The following CTSH variants were observed in gnomAD, a reference collection of about 807,000 sequenced individuals.
CTSH encodes pro-cathepsin H.
In CTSH, 52 loss-of-function variants were observed where a neutral mutation model predicts 56.3. That is an observed-to-expected ratio of 0.92 (90% CI 0.74 to 1.16). CTSH has a LOEUF of 1.16. Among genes scored for constraint, CTSH ranks in the 50% most tolerant of loss-of-function variants. The pLI is 0.00. For synonymous variants in CTSH, 174 were observed against 155.7 expected (o/e 1.12, Z -0.88); for missense variants, 406 against 424.5 (o/e 0.96, Z 0.38).
At chr15:78,922,517 C>T (rs1262603305) in intron 11 of CTSH, among the ~76,000 whole-genome samples, 1 of 152,158 alleles carries the variant, frequency 6.6e-6, no homozygotes, top group Non-Finnish European at 1.5e-5. Flanking sequence ...CCCGAGGGAA[C>T]AGGAAAGCTC....
rs369503995 is a variant in CTSH at position 78,925,480 on chromosome 15, A to T, written c.700-40T>A. 6.1e-5 allele frequency: 82 copies of T among 1,334,480 alleles called. No individual in the cohort carries two copies. The African/African-American group carries it at 1.0e-3, about 17-fold the overall frequency. 82.7% of individuals were successfully genotyped at this position (1,334,480 alleles called of 1,614,324 possible). ...CCGAGACAGAAACACATGGCCTGTC[A>T]CCTCCCCACTCCTTTCACAGTACAG... On this transcript the variant is annotated intron_variant, in intron 9 of 11. Transcript: ENST00000220166.
Position 78,922,095 on chromosome 15 carries a change from CCTT to C in CTSH, c.*32_*34del, listed in dbSNP as rs1036937737. The C allele has an allele frequency of 6.5e-6, 10 of 1,546,276 alleles. No individual in the cohort carries two copies. In the Admixed American group the frequency reaches 7.8e-5, roughly 12 times the overall value. The stretch of plus-strand genomic sequence containing the variant: ...CCAGGCCCAGGCTGCCCGTTCCTCT[CCTT>C]CTCCGCCAGTCTGCGCTGCGGCTGC... On this transcript the variant is annotated 3_prime_UTR_variant, in exon 12 of 12. Coordinates refer to ENST00000220166, the MANE Select transcript of CTSH (RefSeq NM_004390.5).
In CTSH at chr15:78,933,683, G is replaced by A. The variant is rs138325041; in HGVS notation, c.406-1225C>T. The A allele has an allele frequency of 2.9e-3, 876 of 301,476 alleles. 3 individuals are homozygous for A. Among genetic ancestry groups the A allele is most frequent in the Middle Eastern group, 9.3e-3 (10 of 1,078 alleles). The allele number at this position is 301,476 out of a possible 1,614,324, so 18.7% of individuals were successfully genotyped here. A position where few individuals can be genotyped will look rare whatever the true frequency, so the allele number is the denominator to read the frequency against. ...GAGCTCGGCTGACCCTTGGGTGCTC[G>A]ACTTGGGGCAGGGGCCTGGTTTTGA... On this transcript the variant is annotated intron_variant, in intron 5 of 11. Coordinates refer to ENST00000220166, the MANE Select transcript of CTSH (RefSeq NM_004390.5).
chr15:78,931,323 A>C, intron 7 of CTSH, 128 bp downstream of exon 7: 1 of 1,191,160 alleles, frequency 8.4e-7, no homozygotes, highest in Non-Finnish European at 1.2e-6. Flanking sequence ...TGTACAACAG[A>C]GACCATTTTG....
chr15:78,927,771 C>G lies in CTSH; in HGVS notation c.641G>C (p.Cys214Ser), dbSNP rs375601338. ...GATGGCCTTTCCAGGTTGGAACTTG[C>G]AATAACCATCCTGTTGAGGATGCAA... ...TYPYQGKDGY[C>S]KFQPGKAIGF... Residue 214 changes from cysteine to serine, a missense_variant, in exon 9 of 12, where the codon TGC becomes TCC. Transcript: ENST00000220166. 5 of 1,614,118 alleles carry G rather than the reference C, an allele frequency of 3.1e-6. No individual in the cohort carries two copies. Among genetic ancestry groups the G allele is most frequent in the East Asian group, 2.2e-5 (1 of 44,886 alleles).
chr15:78,934,865 G>T, intron 5 of CTSH, 113 bp downstream of exon 5: 2 of 761,200 alleles, frequency 2.6e-6, no homozygotes, highest in Non-Finnish European at 4.8e-6. Context: ...AGAGGAAACA[G>T]AGGCAGGGAT....
At position 78,925,337 on chromosome 15, in the gene CTSH, G is replaced by A. The variant is rs2054879825; in HGVS notation, c.803C>T (p.Ser268Phe). The change falls in exon 10 of 12, where the codon TCC (serine) becomes TTC (phenylalanine). Residue 268 changes from serine (S) to phenylalanine (F), a missense_variant. Transcript: ENST00000220166. Reference protein sequence around the residue: ...DFMMYRTGIYSSTSCHKTPDK... With the variant: ...DFMMYRTGIYFSTSCHKTPDK... ...GGCTCCTGGGACCCTGACTCACCTG[G>A]AGTAGATGCCGGTTCTATACATCAT... is the stretch of plus-strand genomic sequence containing the variant. 1 of 1,604,272 alleles carries A rather than the reference G, an allele frequency of 6.2e-7. No homozygotes were observed. The highest frequency in any genetic ancestry group is 8.5e-7 in the Non-Finnish European group (1 of 1,171,248).
chr15:78,939,815 G>A (rs933411961), intron 1 of CTSH, among the ~76,000 whole-genome samples: 3 of 152,270 alleles, frequency 2.0e-5, no homozygotes, highest in Non-Finnish European at 2.9e-5. Flanking sequence ...CCCGGGAGGC[G>A]GAGGTTGCAG....
At chr15:78,931,118 G>A (rs1211305401) in intron 7 of CTSH, among the ~76,000 whole-genome samples, 2 of 103,558 alleles carry the variant, frequency 1.9e-5, no homozygotes, top group East Asian at 2.5e-4. Context: ...CGGGTTTGGA[G>A]GATGATGTGT....
intron 9 of CTSH, chr15:78,926,486 G>A (rs76893083): frequency 0.015 from 2,285 of 152,388 alleles, 97 homozygotes; most frequent in East Asian, 0.15. Context: ...TGGCCTGGTC[G>A]TCAGGGCCCT....
chr15:78,944,887 G>A lies in CTSH; in HGVS notation c.91+4C>T, dbSNP rs1170228673. ...CCCTCTCGGGCGGCGCGCCCTCTGC[G>A]TACCTAAGGAGTTCACGCACAGTTC... is the stretch of plus-strand genomic sequence containing the variant. On this transcript the variant is annotated splice_donor_region_variant and intron_variant, in intron 1 of 11. Transcript: ENST00000220166. The A allele has an allele frequency of 6.5e-6, 10 of 1,546,510 alleles. No individual in the cohort carries two copies. Among genetic ancestry groups the A allele is most frequent in the Admixed American group, 2.0e-5 (1 of 50,698 alleles).
intron 7 of CTSH, among the ~76,000 whole-genome samples, chr15:78,930,557 T>A (rs1019281268): frequency 2.0e-5 from 3 of 151,270 alleles, no homozygotes; most frequent in African/African-American, 7.3e-5. Context: ...AATAAATAAA[T>A]AAATAAATAA....
In CTSH at chr15:78,922,895, C is replaced by CCG. The variant is rs1309079770; in HGVS notation, c.932+97_932+98insCG. On this transcript the variant is annotated intron_variant, in intron 11 of 11. Transcript: ENST00000220166. ...CCTAGGGCTTGGCTGACCAGCTCGT[C>CCG]TGTGGAAGCCGTAACTCTGAGGTGG... 1.7e-4 allele frequency: 249 copies of CCG among 1,443,070 alleles called. 1 individual carries two copies. Among genetic ancestry groups the CCG allele is most frequent in the Non-Finnish European group, 7.9e-5 (85 of 1,075,942 alleles). The allele number at this position is 1,443,070 out of a possible 1,614,324, so 89.4% of individuals were successfully genotyped here.
intron 9 of CTSH, chr15:78,926,721 A>G (rs1293443665): frequency 1.3e-5 from 2 of 152,090 alleles, no homozygotes; most frequent in Admixed American, 6.5e-5. Flanking sequence ...TCCAGCATCT[A>G]TTTCCTAGCT....
Position 78,929,508 on chromosome 15 carries a change from C to G in CTSH, c.549-15G>C. On this transcript the variant is annotated splice_polypyrimidine_tract_variant and intron_variant, in intron 7 of 11. Coordinates refer to ENST00000220166, the MANE Select transcript of CTSH (RefSeq NM_004390.5). Reference sequence around the variant, plus strand: ...TGGGGAGACCCCTGCAAGAAGTACACACAGGTGAGCCCACCTGGGGCTGTC... The same window carrying G: ...TGGGGAGACCCCTGCAAGAAGTACAGACAGGTGAGCCCACCTGGGGCTGTC... 6.3e-7 allele frequency: 1 copy of G among 1,598,026 alleles called. No individual in the cohort carries two copies. Among genetic ancestry groups the G allele is most frequent in the Middle Eastern group, 1.7e-4 (1 of 6,022 alleles).
At chr15:78,938,887 G>A (rs575726719) in intron 2 of CTSH, among the ~76,000 whole-genome samples, 1 of 152,170 alleles carries the variant, frequency 6.6e-6, no homozygotes, top group Non-Finnish European at 1.5e-5. Flanking sequence ...AATGTGCTTT[G>A]AAAACAAAAT....
chr15:78,932,490 A>G (rs1323858682), intron 5 of CTSH, 32 bp from the exon 6 acceptor site: 3 of 1,549,622 alleles, frequency 1.9e-6, no homozygotes, highest in South Asian at 1.1e-5. Flanking sequence ...AGAGGACATC[A>G]GTGATGGGGA....
intron 3 of CTSH, among the ~76,000 whole-genome samples, chr15:78,936,180 C>CTTTT (rs66819363): frequency 5.3e-4 from 48 of 90,594 alleles, no homozygotes; most frequent in South Asian, 1.6e-3. Flanking sequence ...CTTTTCTTTT[C>CTTTT]TTTTTTTTTT....
At chr15:78,937,667 G>C (rs2055205062) in intron 2 of CTSH, 1 of 1,390,844 alleles carries the variant, frequency 7.2e-7, no homozygotes, top group Non-Finnish European at 9.5e-7. Context: ...TGTGGTCCAA[G>C]AGGCACTGGT....
Sources: gnomAD v4.1 joint callset for allele counts (sites outside exome capture counted in the v4.1 genomes callset) on GRCh38, gnomAD v4.1.1 for gene constraint, MANE v1.5 for transcripts, NCBI Gene and HGNC (gene_info 2026-07-23, HGNC 2026-07-21) for gene names.